Variants in ASAH1 observed in about 807,000 individuals in gnomAD.
The protein encoded by ASAH1 is N-acylsphingosine amidohydrolase 1, also known as acid ceramidase.
ASAH1 carries 70 observed loss-of-function variants against 59.5 expected under a neutral mutation model. The ratio of observed to expected loss-of-function variants is 1.18; its 90% CI spans 0.97 to 1.43. The LOEUF is 1.43. ASAH1 is among the 40% of genes most tolerant of loss of function. The pLI is 0.00. For synonymous variants in ASAH1, 213 were observed against 166.5 expected, an observed-to-expected ratio of 1.28 and a Z score of -2.15; for missense variants, 660 against 482.5, an observed-to-expected ratio of 1.37 and a Z score of -3.45.
At chr8:18,064,629 G>C (rs1799854647) in intron 5 of ASAH1, 98 bp from the exon 6 acceptor site, 2 of 762,752 alleles carry the variant, frequency 2.6e-6, no homozygotes, top group Non-Finnish European at 4.5e-6. Context: ...TTGTGTGAGT[G>C]TGTGCTTTGG....
Position 18,074,349 on chromosome 8 carries a change from A to G in ASAH1, c.125+1192T>C, listed in dbSNP as rs545739237. Among the ~76,000 whole-genome samples the G allele has an allele frequency of 2.6e-5, 4 of 152,316 alleles. No individual in the cohort carries two copies. The South Asian group carries it at 8.3e-4, about 32-fold the overall frequency. ...GGTTACCTCTAAATTGCTTCCTGCC[A>G]AATACTGGCCTCTTTCTACATAAAG... On this transcript the variant is annotated intron_variant, in intron 2 of 13. Transcript: ENST00000637790.
At chr8:18,073,301 A>G (rs1158219032) in intron 2 of ASAH1, 2 of 1,567,598 alleles carry the variant, frequency 1.3e-6, no homozygotes, top group Non-Finnish European at 1.7e-6. Flanking sequence ...CAAAAATAAA[A>G]AAAACACTTA....
rs191822929 is a variant in ASAH1, at chr8:18,083,515, G to C, written c.78+466C>G. On this transcript the variant is annotated intron_variant, in intron 1 of 13. Transcript: ENST00000637790. Reference sequence around the variant, plus strand: ...GCTCTGGGCTGCTCGCACCGCCCAAGCTTGGGACCACTCAGCGTTTCCCAC... The same window carrying C: ...GCTCTGGGCTGCTCGCACCGCCCAACCTTGGGACCACTCAGCGTTTCCCAC... 432 of 205,510 alleles carry C rather than the reference G, an allele frequency of 2.1e-3. 1 individual carries two copies. The highest frequency in any genetic ancestry group is 9.9e-3 in the African/African-American group (414 of 42,002). The allele number at this position is 205,510 out of a possible 1,614,324, so 12.7% of individuals were successfully genotyped here.
intron 2 of ASAH1, among the ~76,000 whole-genome samples, chr8:18,072,702 C>A (rs772960215): frequency 1.3e-5 from 2 of 152,184 alleles, no homozygotes; most frequent in Non-Finnish European, 2.9e-5. Context: ...CATAATTTCA[C>A]ATGTAAAATT....
At chr8:18,063,352 G>A in intron 6 of ASAH1, 122 bp from the exon 7 acceptor site, 1 of 898,670 alleles carries the variant, frequency 1.1e-6, no homozygotes, top group Non-Finnish European at 1.8e-6. Context: ...TGGCCAGACT[G>A]GAGTGCAGTG....
intron 1 of ASAH1, among the ~76,000 whole-genome samples, chr8:18,080,474 T>C (rs1157566619): frequency 2.0e-5 from 3 of 152,198 alleles, no homozygotes. Flanking sequence ...AACATCATAA[T>C]ACCACTGACA....
chr8:18,080,381 G>A (rs576793812), intron 1 of ASAH1, among the ~76,000 whole-genome samples: 2 of 152,048 alleles, frequency 1.3e-5, no homozygotes, highest in Non-Finnish European at 2.9e-5. Context: ...TTCCTTTCCT[G>A]CCAATCACAC....
chr8:18,060,341 A>C (rs1799638346), intron 10 of ASAH1: 1 of 154,248 alleles, frequency 6.5e-6, no homozygotes, highest in Non-Finnish European at 1.4e-5. Flanking sequence ...TGGGAAAAGC[A>C]ATCCCTGACC....
intron 1 of ASAH1, chr8:18,083,760 C>T: frequency 4.6e-6 from 4 of 874,246 alleles, no homozygotes; most frequent in Non-Finnish European, 6.8e-6. Context: ...ACTAGGATTT[C>T]CTTTAAAGGA....
Position 18,057,181 on chromosome 8 carries a change from G to A in ASAH1, c.*353C>T, listed in dbSNP as rs1316138577. The A allele has an allele frequency of 2.2e-5, 6 of 277,386 alleles. No homozygotes were observed. The East Asian group carries it at 2.6e-4, about 12-fold the overall frequency. 17.2% of individuals were successfully genotyped at this position (277,386 alleles called of 1,614,324 possible). The stretch of plus-strand genomic sequence containing the variant: ...TTACTGTCCCGTTACTCACACAGAC[G>A]TGCTGGATTCAACACCCACGCTGAA... On this transcript the variant is annotated 3_prime_UTR_variant, in exon 14 of 14. Transcript: ENST00000637790.
intron 5 of ASAH1, 93 bp from the exon 6 acceptor site, chr8:18,064,624 T>G (rs1234452961): frequency 3.8e-6 from 3 of 786,536 alleles, no homozygotes; most frequent in Non-Finnish European, 6.4e-6. Flanking sequence ...TTTCATTGTG[T>G]GAGTGTGTGC....
At chr8:18,075,515 G>C in intron 2 of ASAH1, 26 bp downstream of exon 2, 2 of 1,612,676 alleles carry the variant, frequency 1.2e-6, no homozygotes, top group South Asian at 2.2e-5. Flanking sequence ...GTCAAAGGGA[G>C]TTTTGATCAT....
intron 2 of ASAH1, 181 bp downstream of exon 2, chr8:18,075,360 A>C (rs1800359813): frequency 1.4e-6 from 1 of 730,324 alleles, no homozygotes; most frequent in Non-Finnish European, 2.5e-6. Flanking sequence ...AGATATTTTC[A>C]TATTTGTCCA....
intron 2 of ASAH1, among the ~76,000 whole-genome samples, chr8:18,075,186 G>A (rs921467689): frequency 4.6e-5 from 7 of 151,948 alleles, no homozygotes; most frequent in African/African-American, 1.7e-4. Flanking sequence ...TAGTAGAGAC[G>A]GGGTTTCACT....
chr8:18,069,803 C>G lies in ASAH1; in HGVS notation c.292G>C (p.Asp98His), dbSNP rs748729354. 1 of 1,576,984 alleles carries G rather than the reference C, an allele frequency of 6.3e-7. No individual in the cohort carries two copies. Among genetic ancestry groups the G allele is most frequent in the Admixed American group, 1.7e-5 (1 of 59,870 alleles). Residue 98 changes from aspartate (D) to histidine (H), a missense_variant, in exon 4 of 14, where the codon GAT becomes CAT. Physicochemically the swap from Asp to His is moderately conservative, Grantham distance 81 (BLOSUM62 -1). Coordinates refer to ENST00000637790, the MANE Select transcript of ASAH1 (RefSeq NM_177924.5). ...ATAATATCTCTTACCAATTTTTCAT[C>G]CACCACCTGCATAATTTTTCCACTT... Reference protein sequence around the residue: ...VPSGKIMQVVDEKLPGLLGNF... With the variant: ...VPSGKIMQVVHEKLPGLLGNF...
rs2117024746 is a variant in ASAH1, at chr8:18,061,371, C to CT, written c.785+5dup. 6 of 1,606,878 alleles carry CT rather than the reference C, an allele frequency of 3.7e-6. No homozygotes were observed. The highest frequency in any genetic ancestry group is 5.1e-6 in the Non-Finnish European group (6 of 1,173,384). ...TATTTAATAGTAAAGCAACGAAACACTTTACCTTGTGCTATTTTCCAGAAC... is the reference window on the plus strand; with the variant it reads ...TATTTAATAGTAAAGCAACGAAACACTTTTACCTTGTGCTATTTTCCAGAAC... On this transcript the variant is annotated splice_donor_region_variant and intron_variant, in intron 10 of 13. Transcript: ENST00000637790.
intron 6 of ASAH1, chr8:18,063,861 A>G (rs1799815088): frequency 6.3e-6 from 1 of 159,056 alleles, no homozygotes; most frequent in Non-Finnish European, 1.4e-5. Context: ...AGCCTCAATT[A>G]CTGTGATTCA....
chr8:18,067,143 A>ATCTCTAAGACATACAGCACCTGTGC, intron 5 of ASAH1, 77 bp downstream of exon 5: 2 of 1,321,252 alleles, frequency 1.5e-6, no homozygotes, highest in Middle Eastern at 2.0e-4. Flanking sequence ...CCTGTGCTGT[A>ATCTCTAAGACATACAGCACCTGTGC]TGTATATCAC....
chr8:18,083,934 C>T, intron 1 of ASAH1, 47 bp downstream of exon 1: 1 of 1,574,928 alleles, frequency 6.3e-7, no homozygotes, highest in Non-Finnish European at 8.6e-7. Flanking sequence ...TCCATCCGCG[C>T]CCGCACCTGC....
Sources: allele counts gnomAD v4.1 joint callset (sites outside exome capture counted in the v4.1 genomes callset), GRCh38; gene constraint gnomAD v4.1.1; transcripts MANE v1.5; gene names NCBI Gene and HGNC (gene_info 2026-07-23, HGNC 2026-07-21).